DCDC1: variants seen among roughly 807,000 people sequenced by gnomAD.
DCDC1 encodes doublecortin domain containing 1, also known as doublecortin domain-containing protein 1.
DCDC1 carries 200 observed loss-of-function variants against 178.3 expected under a neutral mutation model. The observed-to-expected ratio is 1.12, with a 90% confidence interval of 1.00 to 1.26. The LOEUF (loss-of-function observed/expected upper bound fraction) is 1.26, where lower values mean the gene tolerates loss of function less well. Among genes scored for constraint, DCDC1 ranks in the 50% most tolerant of loss-of-function variants. DCDC1 has a pLI of 0.00. For missense variants in DCDC1, 1,983 were observed against 1,749.2 expected, an observed-to-expected ratio of 1.13 and a Z score of -2.38; for synonymous variants, 690 against 604.8, an observed-to-expected ratio of 1.14 and a Z score of -2.07.
chr11:30,888,082 G>GAGAGAA (rs1554958916), intron 36 of DCDC1, among the ~76,000 whole-genome samples: 23 of 96,338 alleles, frequency 2.4e-4, no homozygotes, highest in Admixed American at 4.7e-4. Context: ...GAGAGAGAGA[G>GAGAGAA]AGAAAGAAAG....
At chr11:31,124,136 G>A (rs923214481) in intron 11 of DCDC1, among the ~76,000 whole-genome samples, 3 of 152,046 alleles carry the variant, frequency 2.0e-5, no homozygotes, top group Non-Finnish European at 4.4e-5. Context: ...TGCCCATTGA[G>A]TATGATACTG....
intron 36 of DCDC1, chr11:30,883,296 T>G (rs61394929): frequency 2.5e-5 from 5 of 197,626 alleles, no homozygotes. Context: ...GCAGACTAGG[T>G]GGAGAAGATC....
intron 9 of DCDC1, among the ~76,000 whole-genome samples, chr11:31,229,100 T>A (rs1021247906): frequency 5.3e-5 from 8 of 152,042 alleles, no homozygotes; most frequent in Non-Finnish European, 1.0e-4. Context: ...CTAAAAAAAA[T>A]TTAATTCATA....
chr11:30,879,512 T>A (rs1942451819), intron 37 of DCDC1, among the ~76,000 whole-genome samples: 1 of 152,162 alleles, frequency 6.6e-6, no homozygotes, highest in Non-Finnish European at 1.5e-5. Flanking sequence ...TGGAAAGAAC[T>A]GAGACAATAG....
At chr11:31,244,074 G>C (rs566454967) in intron 8 of DCDC1, among the ~76,000 whole-genome samples, 3 of 151,682 alleles carry the variant, frequency 2.0e-5, no homozygotes, top group Non-Finnish European at 3.0e-5. Flanking sequence ...GAAAACATAA[G>C]AAAATGATAC....
chr11:30,918,333 CCATT>C lies in DCDC1; in HGVS notation c.3294-1309_3294-1306del, dbSNP rs982823538. ...TTAATTTGTTCATTCATAGAACAAA[CCATT>C]CGTTAGTTATTCACTCCTTTAATCA... On this transcript the variant is annotated intron_variant, in intron 25 of 38. Coordinates refer to ENST00000684477, the MANE Select transcript of DCDC1 (RefSeq NM_001387274.1). 9.4e-4 allele frequency among the ~76,000 whole-genome samples: 143 copies of C among 152,244 alleles called. 1 individual carries two copies. Among genetic ancestry groups the C allele is most frequent in the African/African-American group, 3.2e-3 (133 of 41,542 alleles).
chr11:31,232,919 T>A (rs1975973842), intron 9 of DCDC1, among the ~76,000 whole-genome samples: 1 of 151,982 alleles, frequency 6.6e-6, no homozygotes, highest in Non-Finnish European at 1.5e-5. Context: ...TGAAAACCCA[T>A]CTCTACTAAA....
At chr11:31,048,991 G>A (rs1590874051) in intron 20 of DCDC1, among the ~76,000 whole-genome samples, 1 of 152,174 alleles carries the variant, frequency 6.6e-6, no homozygotes, top group African/African-American at 2.4e-5. Flanking sequence ...AATATTTAAA[G>A]AGGTCATTCA....
At position 31,085,061 on chromosome 11, in the gene DCDC1, A is replaced by T. The variant is rs531158615; in HGVS notation, c.2237+6332T>A. 1.5e-4 allele frequency among the ~76,000 whole-genome samples: 23 copies of T among 151,918 alleles called. No homozygotes were observed. In the South Asian group the frequency reaches 4.4e-3, roughly 29 times the overall value. On this transcript the variant is annotated intron_variant, in intron 17 of 38. Coordinates refer to ENST00000684477, the MANE Select transcript of DCDC1 (RefSeq NM_001387274.1). ...ATCACCTGCCATTTTGACCTAGGCC[A>T]TTGATGAACTATCCCATTGAGAAAG...
intron 17 of DCDC1, among the ~76,000 whole-genome samples, chr11:31,085,472 A>T (rs1480335213): frequency 6.6e-6 from 1 of 152,150 alleles, no homozygotes; most frequent in African/African-American, 2.4e-5. Flanking sequence ...TAAATTATAT[A>T]TATATTGAAT....
chr11:31,059,544 A>G (rs924201687), intron 20 of DCDC1, among the ~76,000 whole-genome samples: 2 of 152,064 alleles, frequency 1.3e-5, no homozygotes, highest in Non-Finnish European at 2.9e-5. Flanking sequence ...TTTTATTCCT[A>G]GAAAGTATAG....
At chr11:30,962,622 T>C (rs1276708518) in intron 20 of DCDC1, among the ~76,000 whole-genome samples, 5 of 152,108 alleles carry the variant, frequency 3.3e-5, no homozygotes, top group African/African-American at 1.2e-4. Context: ...AAACATATGG[T>C]ACATTAATAA....
chr11:30,931,773 C>T lies in DCDC1; in HGVS notation c.2895G>A (p.Thr965=), dbSNP rs767536745. 13 of 1,607,512 alleles carry T rather than the reference C, an allele frequency of 8.1e-6. No homozygotes were observed. Among genetic ancestry groups the T allele is most frequent in the South Asian group, 2.2e-5 (2 of 90,070 alleles). The change falls in exon 22 of 39, where the codon ACG becomes ACA. Residue 965 remains threonine, a splice_region_variant and synonymous_variant. Transcript: ENST00000684477. ...LGPDISPGRK[T]QCTEILNLPS... The stretch of plus-strand genomic sequence containing the variant: ...AAGTATGAACAAGTTGTTCTTACTG[C>T]GTTTTCCGTCCAGGTGAGATATCTG...
At chr11:31,032,568 A>AG (rs1313496473) in intron 20 of DCDC1, among the ~76,000 whole-genome samples, 1 of 151,858 alleles carries the variant, frequency 6.6e-6, no homozygotes, top group Non-Finnish European at 1.5e-5. Flanking sequence ...AAAAAAAAAA[A>AG]TTGTAGGGAA....
intron 20 of DCDC1, among the ~76,000 whole-genome samples, chr11:31,004,800 G>T (rs1401816328): frequency 6.6e-6 from 1 of 151,858 alleles, no homozygotes; most frequent in Non-Finnish European, 1.5e-5. Context: ...CTGTGCCTCG[G>T]TTCAGTTTCC....
intron 9 of DCDC1, among the ~76,000 whole-genome samples, chr11:31,203,514 T>TA (rs1971535884): frequency 2.0e-5 from 3 of 152,158 alleles, no homozygotes; most frequent in Admixed American, 2.0e-4. Flanking sequence ...CATGAACTGA[T>TA]ACGGCATCAT....
At chr11:31,070,016 C>T (rs1956458264) in intron 18 of DCDC1, among the ~76,000 whole-genome samples, 1 of 152,164 alleles carries the variant, frequency 6.6e-6, no homozygotes, top group South Asian at 2.1e-4. Flanking sequence ...ATATAAATAA[C>T]ACAAAGTGAC....
At chr11:31,238,156 GA>G (rs1226009183) in intron 9 of DCDC1, among the ~76,000 whole-genome samples, 1 of 151,856 alleles carries the variant, frequency 6.6e-6, no homozygotes, top group African/African-American at 2.4e-5. Context: ...GGTTGGCGGG[GA>G]AATTCAAACT....
At chr11:31,029,971 A>G (rs1033906087) in intron 20 of DCDC1, among the ~76,000 whole-genome samples, 1 of 152,092 alleles carries the variant, frequency 6.6e-6, no homozygotes, top group Non-Finnish European at 1.5e-5. Flanking sequence ...TAAGATGATA[A>G]TTTTCATAAT....
Sources: allele counts gnomAD v4.1 joint callset (sites outside exome capture counted in the v4.1 genomes callset), GRCh38; gene constraint gnomAD v4.1.1; transcripts MANE v1.5; gene names NCBI Gene and HGNC (gene_info 2026-07-23, HGNC 2026-07-21).